Variants in NOTCH1 observed in about 807,000 individuals in gnomAD.
NOTCH1 encodes notch receptor 1.
In NOTCH1, 37 loss-of-function variants were observed where a neutral mutation model predicts 254.8. The ratio of observed to expected loss-of-function variants is 0.15; its 90% confidence interval spans 0.11 to 0.19. The LOEUF (loss-of-function observed/expected upper bound fraction) is 0.19. NOTCH1 is among the 10% of genes least tolerant of loss of function. The pLI, the probability that NOTCH1 is intolerant of heterozygous loss-of-function variation, is 1.00. For missense variants in NOTCH1, 2,972 were observed against 3,708.6 expected, an observed-to-expected ratio of 0.80 and a Z score of 5.16; for synonymous variants, 1,731 against 1,618.1, an observed-to-expected ratio of 1.07 and a Z score of -1.68.
intron 9 of NOTCH1, among the ~76,000 whole-genome samples, chr9:136,517,023 C>A (rs1843284482): frequency 6.7e-6 from 1 of 149,946 alleles, no homozygotes. Context: ...GGGACACAAT[C>A]CACGGCCAGG....
chr9:136,531,031 C>T (rs144456477), intron 2 of NOTCH1, among the ~76,000 whole-genome samples: 80 of 152,386 alleles, frequency 5.2e-4, no homozygotes, highest in African/African-American at 1.8e-3. Context: ...TCCTGTTCTC[C>T]TCTGGAGTGA....
At position 136,540,840 on chromosome 9, in the gene NOTCH1, C is replaced by G. The variant is rs534130289; in HGVS notation, c.140+3184G>C. On this transcript the variant is annotated intron_variant, in intron 2 of 33. Transcript: ENST00000651671. The surrounding 1 kb of genome is among the most constrained non-coding windows in gnomAD (Gnocchi z 4.4). ...CCCCGTGCCATTCTGACTCTGCCGT[C>G]AGCAGCCAACATCTTAGCTGCCCCC... 2.3e-4 allele frequency among the ~76,000 whole-genome samples: 35 copies of G among 152,312 alleles called. No individual in the cohort carries two copies. Among genetic ancestry groups the G allele is most frequent in the African/African-American group, 7.7e-4 (32 of 41,558 alleles).
Position 136,508,313 on chromosome 9 carries a change from G to A in NOTCH1, c.3244C>T (p.Arg1082Cys), listed in dbSNP as rs1386494518. 11 of 1,612,894 alleles carry A rather than the reference G, an allele frequency of 6.8e-6. No homozygotes were observed. The highest frequency in any genetic ancestry group is 3.3e-5 in the South Asian group (3 of 91,092). The change falls in exon 20 of 34, where the codon CGC becomes TGC. Residue 1082 changes from arginine (R) to cysteine (C), a missense_variant. Around this residue, in one of 8 missense-constraint regions of NOTCH1, gnomAD observed 1,343 missense variants for 1,557.0 expected, o/e 0.86. Coordinates refer to ENST00000651671, the MANE Select transcript of NOTCH1 (RefSeq NM_017617.5). ...GTCCAGCCGCTGGGGCACTCGCAGCGGTACTGGGTGTGGGTCTGCCAGCAT... is the reference window on the plus strand; with the variant it reads ...GTCCAGCCGCTGGGGCACTCGCAGCAGTACTGGGTGTGGGTCTGCCAGCAT... ...GKCWQTHTQY[R>C]CECPSGWTGL...
intron 2 of NOTCH1, among the ~76,000 whole-genome samples, chr9:136,531,372 A>G (rs1032993944): frequency 3.2e-4 from 49 of 152,304 alleles, no homozygotes; most frequent in Admixed American, 1.0e-3. Flanking sequence ...GGGGCAGGGC[A>G]AGGCAGCTCC....
intron 2 of NOTCH1, among the ~76,000 whole-genome samples, chr9:136,524,741 G>C (rs1401019721): frequency 6.7e-6 from 1 of 148,882 alleles, no homozygotes; most frequent in Non-Finnish European, 1.5e-5. Context: ...AGGTTCAAGC[G>C]ATTCTCCTGC....
intron 10 of NOTCH1, 57 bp from the exon 11 acceptor site, chr9:136,515,773 C>G (rs926463082): frequency 6.8e-7 from 1 of 1,475,338 alleles, no homozygotes; most frequent in South Asian, 1.2e-5. Flanking sequence ...CCCCGGGACA[C>G]CCATGACCAG....
chr9:136,519,681 G>A (rs1589069713), intron 4 of NOTCH1, 116 bp from the exon 5 acceptor site: 1 of 1,525,632 alleles, frequency 6.6e-7, no homozygotes, highest in Admixed American at 1.7e-5. Flanking sequence ...CTGCCCTGGG[G>A]CCCCCGGGGT....
In NOTCH1 at chr9:136,514,662, G is replaced by A; in HGVS notation, c.2055C>T (p.Asn685=). The change falls in exon 13 of 34, where the codon AAC becomes AAT. Residue 685 remains asparagine, a synonymous_variant. Coordinates refer to ENST00000651671, the MANE Select transcript of NOTCH1 (RefSeq NM_017617.5). The part of the protein sequence containing the change: ...CNINIDECAG[N]PCHNGGTCED... ...CGCAGGTGCCCCCGTTGTGGCAGGGGTTGCCCGCACACTCATCGATGTTGA... is the reference window on the plus strand; with the variant it reads ...CGCAGGTGCCCCCGTTGTGGCAGGGATTGCCCGCACACTCATCGATGTTGA... The A allele has an allele frequency of 4.3e-6, 7 of 1,612,578 alleles. No individual in the cohort carries two copies. The highest frequency in any genetic ancestry group is 5.9e-6 in the Non-Finnish European group (7 of 1,179,904).
intron 8 of NOTCH1, 134 bp from the exon 9 acceptor site, chr9:136,517,519 G>A (rs1041800824): frequency 1.1e-4 from 91 of 817,096 alleles, no homozygotes; most frequent in Admixed American, 6.8e-4. Context: ...CTGCGCACCC[G>A]CTCCCCTGCA....
chr9:136,531,595 C>T (rs1394927048), intron 2 of NOTCH1, among the ~76,000 whole-genome samples: 1 of 152,148 alleles, frequency 6.6e-6, no homozygotes. Context: ...GCGAGAGAGA[C>T]CCAGCCTCCC....
chr9:136,518,160 T>C lies in NOTCH1; in HGVS notation c.1232A>G (p.Gln411Arg). 6.3e-7 allele frequency: 1 copy of C among 1,594,824 alleles called. No homozygotes were observed. Among genetic ancestry groups the C allele is most frequent in the Non-Finnish European group, 8.5e-7 (1 of 1,171,080 alleles). ...PSGYTGPACS[Q>R]DVDECSLGAN... ...ACCCAGCGAGCACTCATCCACGTCC[T>C]GGCTGCAGGCCGGGCCCGTGTACCC... Residue 411 changes from glutamine to arginine, a missense_variant, in exon 7 of 34, where the codon CAG becomes CGG. Transcript: ENST00000651671.
intron 3 of NOTCH1, 92 bp from the exon 4 acceptor site, chr9:136,523,280 T>TGGGCTCCACCTTA (rs1394058871): frequency 1.5e-6 from 2 of 1,296,354 alleles, no homozygotes; most frequent in Non-Finnish European, 2.2e-6. Context: ...GGTGCCAGCC[T>TGGGCTCCACCTTA]GGGCTCCACC....
At chr9:136,526,990 C>T (rs1343913608) in intron 2 of NOTCH1, among the ~76,000 whole-genome samples, 1 of 152,208 alleles carries the variant, frequency 6.6e-6, no homozygotes, top group African/African-American at 2.4e-5. Context: ...AGGGAAGGCC[C>T]CTGCCACGGC....
rs200562991 is a variant in NOTCH1, at chr9:136,517,898, G to A, written c.1295C>T (p.Thr432Met). 223 of 1,612,216 alleles carry A rather than the reference G, an allele frequency of 1.4e-4. 2 individuals carry two copies. The highest frequency in any genetic ancestry group is 1.3e-3 in the Middle Eastern group (8 of 6,062). ...ACACTGGCACTCGAAGGAGCCCAGC[G>A]TGTTGATGCACTTGCCCGCATGCTC... ...PCEHAGKCIN[T>M]LGSFECQCLQ... is the part of the protein sequence containing the mutation. Residue 432 changes from threonine (T) to methionine (M), a missense_variant, in exon 8 of 34, where the codon ACG (threonine) becomes ATG (methionine). Physicochemically the swap from Thr to Met is moderately conservative, Grantham distance 81 (BLOSUM62 -1). Coordinates refer to ENST00000651671, the MANE Select transcript of NOTCH1 (RefSeq NM_017617.5).
intron 2 of NOTCH1, among the ~76,000 whole-genome samples, chr9:136,533,973 A>G (rs1232773125): frequency 2.0e-5 from 3 of 152,164 alleles, no homozygotes; most frequent in Admixed American, 6.5e-5. Context: ...TCGGGCCATG[A>G]GTCACGCTGG....
At chr9:136,533,483 C>T (rs1843594838) in intron 2 of NOTCH1, among the ~76,000 whole-genome samples, 1 of 152,254 alleles carries the variant, frequency 6.6e-6, no homozygotes, top group African/African-American at 2.4e-5. Flanking sequence ...GCACGGGGCT[C>T]ATCTGTCCCC....
rs189787107 is a variant in NOTCH1 at position 136,520,942 on chromosome 9, G to A, written c.743-1377C>T. ...GGACCCCAGCTGGACCCTCTGCGAC[G>A]TAGCCTCGGCCAGCGACCCCACGAG... On this transcript the variant is annotated intron_variant, in intron 4 of 33. Transcript: ENST00000651671. 7.9e-5 allele frequency among the ~76,000 whole-genome samples: 12 copies of A among 152,274 alleles called. No homozygotes were observed. In the South Asian group the frequency reaches 2.1e-3, roughly 26 times the overall value.
chr9:136,533,107 C>A (rs1843588178), intron 2 of NOTCH1, among the ~76,000 whole-genome samples: 1 of 44,804 alleles, frequency 2.2e-5, no homozygotes, highest in Admixed American at 2.2e-4. Context: ...CTCAGCCCCG[C>A]CCGGCCTCCC....
intron 4 of NOTCH1, among the ~76,000 whole-genome samples, chr9:136,519,867 C>T (rs772997905): frequency 2.0e-5 from 3 of 152,368 alleles, no homozygotes; most frequent in Non-Finnish European, 4.4e-5. Context: ...ACCTGGGTGC[C>T]GCCTGCATGC....
Sources: gnomAD v4.1 joint callset for allele counts (sites outside exome capture counted in the v4.1 genomes callset) on GRCh38, gnomAD v4.1.1 for gene constraint, gnomAD v4.1.1 regional missense constraint, Gnocchi (gnomAD v3.1) non-coding constraint, MANE v1.5 for transcripts, NCBI Gene and HGNC (gene_info 2026-07-23, HGNC 2026-07-21) for gene names.